Variants in ALCAM observed in about 807,000 individuals in gnomAD.
ALCAM encodes CD166 antigen.
In ALCAM, 30 loss-of-function variants were observed where a neutral mutation model predicts 70.9. That is an observed-to-expected ratio of 0.42 (90% CI 0.32 to 0.57). The LOEUF (loss-of-function observed/expected upper bound fraction) is 0.57. ALCAM is among the 20% of genes least tolerant of loss of function. The pLI is 0.11. For missense variants in ALCAM, 591 were observed against 695.1 expected (o/e 0.85, Z 1.68); for synonymous variants, 249 against 242.5 (o/e 1.03, Z -0.25).
At chr3:105,510,008 A>G (rs1217895742) in intron 1 of ALCAM, among the ~76,000 whole-genome samples, 1 of 152,040 alleles carries the variant, frequency 6.6e-6, no homozygotes, top group Non-Finnish European at 1.5e-5. Flanking sequence ...TACTAATGTC[A>G]GTGGGTCAAT....
At chr3:105,409,275 C>G (rs765077478) in intron 1 of ALCAM, among the ~76,000 whole-genome samples, 10 of 151,842 alleles carry the variant, frequency 6.6e-5, no homozygotes, top group Non-Finnish European at 1.5e-4. Context: ...TTTACAATTG[C>G]AAAAATATGG....
intron 1 of ALCAM, among the ~76,000 whole-genome samples, chr3:105,387,577 T>C (rs991245455): frequency 1.3e-5 from 2 of 151,648 alleles, no homozygotes; most frequent in Non-Finnish European, 3.0e-5. Context: ...ACTAACTCTA[T>C]TATTTAGTGA....
At chr3:105,368,668 C>A (rs1315502430) in intron 1 of ALCAM, among the ~76,000 whole-genome samples, 3 of 152,098 alleles carry the variant, frequency 2.0e-5, no homozygotes, top group Admixed American at 2.0e-4. Flanking sequence ...CTGAATCTCT[C>A]CCAGGAACTG....
At chr3:105,386,031 T>C (rs868745952) in intron 1 of ALCAM, among the ~76,000 whole-genome samples, 3 of 151,700 alleles carry the variant, frequency 2.0e-5, no homozygotes, top group Middle Eastern at 3.4e-3. Flanking sequence ...CACATACTAT[T>C]GAATGATCTG....
At chr3:105,382,202 T>G (rs1261061803) in intron 1 of ALCAM, among the ~76,000 whole-genome samples, 1 of 151,766 alleles carries the variant, frequency 6.6e-6, no homozygotes, top group Non-Finnish European at 1.5e-5. Context: ...TGGTTTTTTG[T>G]CCTTGCCATA....
chr3:105,442,970 C>G (rs1937210138), intron 1 of ALCAM, among the ~76,000 whole-genome samples: 1 of 152,112 alleles, frequency 6.6e-6, no homozygotes, highest in African/African-American at 2.4e-5. Context: ...GCTTGGACTA[C>G]AGGTCACCAT....
chr3:105,547,584 G>A (rs1940282831), intron 11 of ALCAM, 61 bp downstream of exon 11: 11 of 1,575,608 alleles, frequency 7.0e-6, no homozygotes, highest in South Asian at 2.4e-5. Context: ...TTTCCTTCAC[G>A]AACCTACCCT....
At chr3:105,534,585 A>G (rs1053526888) in intron 5 of ALCAM, 78 bp from the exon 6 acceptor site, 17 of 1,385,964 alleles carry the variant, frequency 1.2e-5, no homozygotes, top group Non-Finnish European at 1.5e-5. Context: ...ACACTTCTCA[A>G]AGGTGTGGTG....
intron 1 of ALCAM, among the ~76,000 whole-genome samples, chr3:105,380,045 G>A (rs902059665): frequency 2.0e-5 from 3 of 151,708 alleles, no homozygotes; most frequent in African/African-American, 7.3e-5. Context: ...TAATTTTGTG[G>A]TAGCTATTAA....
chr3:105,382,813 G>T (rs943280065), intron 1 of ALCAM, among the ~76,000 whole-genome samples: 8 of 151,390 alleles, frequency 5.3e-5, no homozygotes, highest in Admixed American at 3.3e-4. Flanking sequence ...TAAATTTGTT[G>T]GAATTCATTG....
chr3:105,496,775 C>A (rs1221176341), intron 1 of ALCAM, among the ~76,000 whole-genome samples: 2 of 151,634 alleles, frequency 1.3e-5, no homozygotes, highest in Non-Finnish European at 2.9e-5. Flanking sequence ...GAAATTACTT[C>A]TCATTCTGCT....
intron 1 of ALCAM, among the ~76,000 whole-genome samples, chr3:105,399,278 C>A (rs551706435): frequency 1.3e-5 from 2 of 151,926 alleles, no homozygotes; most frequent in Admixed American, 6.6e-5. Context: ...TTTTTCTTTA[C>A]ACTTTAGTTT....
At chr3:105,556,540 G>C (rs977971704) in intron 14 of ALCAM, among the ~76,000 whole-genome samples, 1 of 151,942 alleles carries the variant, frequency 6.6e-6, no homozygotes, top group African/African-American at 2.4e-5. Flanking sequence ...TATTATTCCA[G>C]TACTTTCTTG....
chr3:105,525,413 A>C (rs1450529952), intron 3 of ALCAM: 1 of 948,796 alleles, frequency 1.1e-6, no homozygotes, highest in African/African-American at 1.8e-5. Flanking sequence ...CTATTACTTC[A>C]CAATATTTTA....
At chr3:105,432,207 C>T (rs991041326) in intron 1 of ALCAM, among the ~76,000 whole-genome samples, 5 of 151,982 alleles carry the variant, frequency 3.3e-5, no homozygotes, top group Non-Finnish European at 5.9e-5. Flanking sequence ...GCAAATTTTT[C>T]GTTTTAGGGT....
At chr3:105,555,348 G>T (rs1940493125) in intron 14 of ALCAM, among the ~76,000 whole-genome samples, 1 of 152,006 alleles carries the variant, frequency 6.6e-6, no homozygotes, top group South Asian at 2.1e-4. Flanking sequence ...TTTTTATTAA[G>T]AATTTGTGGA....
At chr3:105,485,034 AAT>A (rs1159035979) in intron 1 of ALCAM, among the ~76,000 whole-genome samples, 4 of 152,154 alleles carry the variant, frequency 2.6e-5, no homozygotes, top group Admixed American at 2.6e-4. Context: ...CAAAAATTAA[AAT>A]AGAATAACCT....
chr3:105,424,035 G>C (rs1373040839), intron 1 of ALCAM, among the ~76,000 whole-genome samples: 1 of 151,538 alleles, frequency 6.6e-6, no homozygotes, highest in East Asian at 1.9e-4. Flanking sequence ...CACTATTCTA[G>C]ATATGTGGGG....
chr3:105,521,907 T>C (rs1350941003), intron 2 of ALCAM, among the ~76,000 whole-genome samples: 1 of 152,200 alleles, frequency 6.6e-6, no homozygotes, highest in Admixed American at 6.5e-5. Flanking sequence ...CCTATAAATG[T>C]GGAAATGTGA....
Sources: allele counts gnomAD v4.1 joint callset (sites outside exome capture counted in the v4.1 genomes callset), GRCh38; gene constraint gnomAD v4.1.1; transcripts MANE v1.5; gene names NCBI Gene and HGNC (gene_info 2026-07-23, HGNC 2026-07-21).